The following RBM6 variants were observed in gnomAD, a reference collection of about 807,000 sequenced individuals.
The protein encoded by RBM6 is RNA binding motif protein 6.
Under a neutral mutation model 140.4 loss-of-function variants are expected in RBM6, and 23 were observed. The observed-to-expected ratio is 0.16, with a 90% CI of 0.12 to 0.23. RBM6 has a LOEUF of 0.23. RBM6 is among the 10% of genes least tolerant of loss of function. The pLI, the probability that RBM6 is intolerant of heterozygous loss-of-function variation, is 1.00. For synonymous variants in RBM6, 439 were observed against 475.6 expected (o/e 0.92, Z 1.00); for missense variants, 1,139 against 1,386.7 (o/e 0.82, Z 2.84).
At chr3:50,002,259 T>C (rs1393253627) in intron 6 of RBM6, among the ~76,000 whole-genome samples, 7 of 149,668 alleles carry the variant, frequency 4.7e-5, no homozygotes, top group Non-Finnish European at 1.0e-4. Flanking sequence ...GGGTAAATTT[T>C]TTTTCTTTTT....
intron 6 of RBM6, among the ~76,000 whole-genome samples, chr3:50,007,616 T>G (rs2086643604): frequency 6.6e-6 from 1 of 151,894 alleles, no homozygotes; most frequent in Non-Finnish European, 1.5e-5. Context: ...CACTGCATGC[T>G]CCGCCTCCCG....
At chr3:50,004,017 G>A (rs2086459965) in intron 6 of RBM6, among the ~76,000 whole-genome samples, 1 of 152,178 alleles carries the variant, frequency 6.6e-6, no homozygotes, top group Non-Finnish European at 1.5e-5. Flanking sequence ...ACTTGGGGAG[G>A]GGAGTAAGAA....
intron 8 of RBM6, 104 bp downstream of exon 8, chr3:50,054,499 T>C: frequency 9.7e-7 from 1 of 1,029,898 alleles, no homozygotes; most frequent in Non-Finnish European, 1.5e-6. Flanking sequence ...TCCAAGTTGA[T>C]CTACAAACCT....
chr3:50,058,265 A>G (rs768246123), intron 9 of RBM6, 137 bp from the exon 10 acceptor site: 5 of 1,061,830 alleles, frequency 4.7e-6, no homozygotes, highest in Non-Finnish European at 6.9e-6. Flanking sequence ...TGCAGTATTT[A>G]TTTGTTTAGC....
At chr3:49,950,893 T>G (rs944577685) in intron 1 of RBM6, among the ~76,000 whole-genome samples, 1 of 152,192 alleles carries the variant, frequency 6.6e-6, no homozygotes, top group East Asian at 1.9e-4. Context: ...GAGATATTTG[T>G]ACCCATGTTC....
intron 6 of RBM6, among the ~76,000 whole-genome samples, chr3:50,011,958 T>G: frequency 6.6e-6 from 1 of 151,802 alleles, no homozygotes; most frequent in Admixed American, 6.6e-5. Context: ...CTCAAGCAAT[T>G]CTCCCACCTC....
intron 6 of RBM6, among the ~76,000 whole-genome samples, chr3:50,005,112 G>A (rs1252958748): frequency 6.6e-6 from 1 of 152,182 alleles, no homozygotes; most frequent in Non-Finnish European, 1.5e-5. Flanking sequence ...AAAATTAAGA[G>A]AGTTTGGGTT....
chr3:50,076,356 G>A (rs1207830435), intron 20 of RBM6, among the ~76,000 whole-genome samples: 1 of 151,566 alleles, frequency 6.6e-6, no homozygotes, highest in Non-Finnish European at 1.5e-5. Flanking sequence ...GCCGAGGTGG[G>A]TGGATCACAA....
At chr3:49,976,187 G>T (rs2085055295) in intron 5 of RBM6, among the ~76,000 whole-genome samples, 2 of 152,108 alleles carry the variant, frequency 1.3e-5, no homozygotes, top group Non-Finnish European at 2.9e-5. Flanking sequence ...TAGAATTTCA[G>T]TAATTCAGTT....
At chr3:50,073,846 CTT>C (rs35212132) in intron 19 of RBM6, among the ~76,000 whole-genome samples, 115 of 147,196 alleles carry the variant, frequency 7.8e-4, no homozygotes, top group African/African-American at 2.7e-3. Context: ...CCCATGCAGC[CTT>C]TTTTTTTTTT....
chr3:50,057,819 A>G lies in RBM6; in HGVS notation c.1785A>G (p.Leu595=). The G allele has an allele frequency of 1.2e-6, 2 of 1,613,982 alleles. No individual in the cohort carries two copies. The highest frequency in any genetic ancestry group is 1.7e-6 in the Non-Finnish European group (2 of 1,179,982). Residue 595 remains leucine, a synonymous_variant, in exon 9 of 21, where the codon CTA becomes CTG. Coordinates refer to ENST00000266022, the MANE Select transcript of RBM6 (RefSeq NM_005777.3). ...TGGAAAAACAGCCCAACCAGCCCCT[A>G]AGACCAGCTGATAAGGAACCTGAAC... The part of the protein sequence containing the change: ...APLEKQPNQP[L]RPADKEPEPR...
chr3:50,034,142 C>T (rs1465895356), intron 6 of RBM6, among the ~76,000 whole-genome samples: 1 of 141,506 alleles, frequency 7.1e-6, no homozygotes, highest in Non-Finnish European at 1.5e-5. Flanking sequence ...TGCCACCACA[C>T]TCAGCTAATT....
intron 6 of RBM6, chr3:50,047,304 C>T: frequency 1.0e-6 from 1 of 985,348 alleles, no homozygotes; most frequent in Middle Eastern, 5.2e-4. Flanking sequence ...AGCGCAGGGG[C>T]TAGTTCCAGA....
chr3:50,030,765 A>G (rs1307844951), intron 6 of RBM6, among the ~76,000 whole-genome samples: 1 of 152,080 alleles, frequency 6.6e-6, no homozygotes, highest in East Asian at 1.9e-4. Context: ...TGTGATTTCT[A>G]TCTTATTGTT....
chr3:50,003,930 G>A (rs944044623), intron 6 of RBM6, among the ~76,000 whole-genome samples: 3 of 152,180 alleles, frequency 2.0e-5, no homozygotes, highest in Non-Finnish European at 2.9e-5. Flanking sequence ...TATGCCCTTG[G>A]CTTTCTTTGT....
chr3:49,953,846 T>C (rs1212449803), intron 1 of RBM6, among the ~76,000 whole-genome samples: 56 of 152,012 alleles, frequency 3.7e-4, no homozygotes, highest in Admixed American at 3.6e-3. Context: ...AAAAAAAATT[T>C]TGTAGGCTGG....
intron 6 of RBM6, among the ~76,000 whole-genome samples, chr3:50,035,644 T>C (rs1313784514): frequency 2.0e-5 from 3 of 151,868 alleles, no homozygotes; most frequent in African/African-American, 7.3e-5. Context: ...ATCATGCCAT[T>C]GCACTCCAGC....
chr3:50,058,404 A>C lies in RBM6; in HGVS notation c.1972A>C (p.Ile658Leu), dbSNP rs1463176088. The C allele has an allele frequency of 6.2e-7, 1 of 1,608,336 alleles. No individual in the cohort carries two copies. The highest frequency in any genetic ancestry group is 1.3e-5 in the African/African-American group (1 of 74,742). ...TCTCCCATTTATGGTTGATTCAGCT[A>C]TCATGCTAAAGCGTATCTATCGTTC... ...ETRQDGESKT[I>L]MLKRIYRSTP... Residue 658 changes from isoleucine to leucine, a missense_variant and splice_region_variant, in exon 10 of 21, where the codon ATC becomes CTC. By Grantham distance (5) the Ile-to-Leu change is conservative. This residue lies in a region of RBM6 where 47 missense variants were observed against 117.6 expected (regional missense o/e 0.40). Transcript: ENST00000266022.
chr3:49,952,170 G>A (rs891529934), intron 1 of RBM6, among the ~76,000 whole-genome samples: 1 of 151,998 alleles, frequency 6.6e-6, no homozygotes, highest in East Asian at 1.9e-4. Flanking sequence ...GAGTATATAG[G>A]ACTACAGGTG....
Sources: gnomAD v4.1 joint callset for allele counts (sites outside exome capture counted in the v4.1 genomes callset) on GRCh38, gnomAD v4.1.1 for gene constraint, gnomAD v4.1.1 regional missense constraint, MANE v1.5 for transcripts, NCBI Gene and HGNC (gene_info 2026-07-23, HGNC 2026-07-21) for gene names.